MAP3K4: variants seen among roughly 807,000 people sequenced by gnomAD.
The protein encoded by MAP3K4 is mitogen-activated protein kinase kinase kinase 4.
A neutral mutation model predicts 185.6 loss-of-function variants in MAP3K4; 67 were observed. The observed-to-expected ratio is 0.36, with a 90% CI of 0.30 to 0.44. MAP3K4 has a LOEUF of 0.44. Among genes scored for constraint, MAP3K4 ranks in the 20% least tolerant of loss-of-function variants. The pLI is 1.00. For synonymous variants in MAP3K4, 702 were observed against 710.4 expected, an observed-to-expected ratio of 0.99 and a Z score of 0.19; for missense variants, 1,551 against 1,995.1, an observed-to-expected ratio of 0.78 and a Z score of 4.24.
chr6:161,113,828 C>T (rs1284926674), intron 25 of MAP3K4, among the ~76,000 whole-genome samples: 9 of 108,764 alleles, frequency 8.3e-5, no homozygotes, highest in Non-Finnish European at 1.2e-4. Context: ...GATGGAGTCT[C>T]GCTCTGTCGC....
Position 161,074,635 on chromosome 6 carries a change from G to C in MAP3K4, c.2097+1023G>C, listed in dbSNP as rs1370983756. On this transcript the variant is annotated intron_variant, in intron 5 of 26. Transcript: ENST00000392142. The surrounding 1 kb of genome is among the most constrained non-coding windows in gnomAD (Gnocchi z 5.0). ...AATTCTCTTGTTTTCCATAGTATCT[G>C]ATAGTGTTCATGTATCGTAAGTACA... Among the ~76,000 whole-genome samples, 1 of 152,216 alleles carries C rather than the reference G, an allele frequency of 6.6e-6. No homozygotes were observed. The highest frequency in any genetic ancestry group is 1.5e-5 in the Non-Finnish European group (1 of 68,042).
rs751947272 is a variant in MAP3K4 at position 161,049,207 on chromosome 6, G to C, written c.935G>C (p.Arg312Thr). The C allele has an allele frequency of 6.2e-7, 1 of 1,614,134 alleles. No homozygotes were observed. The highest frequency in any genetic ancestry group is 8.5e-7 in the Non-Finnish European group (1 of 1,180,006). Residue 312 changes from arginine to threonine, a missense_variant, in exon 3 of 27, where the codon AGA becomes ACA. Physicochemically the swap from Arg to Thr is moderately conservative, Grantham distance 71 (BLOSUM62 -1). Transcript: ENST00000392142. This position sits in a 1 kb window ranked among gnomAD's most constrained non-coding sequence, Gnocchi z 8.4. ...KVDYGSFAFV[R>T]DRAGFNGTSV... ...GACTATGGGAGCTTCGCCTTTGTTA[G>C]AGATAGAGCTGGTTTTAATGGTACT...
intron 2 of MAP3K4, among the ~76,000 whole-genome samples, chr6:161,038,231 A>G (rs191596503): frequency 3.9e-5 from 6 of 152,300 alleles, no homozygotes; most frequent in Admixed American, 3.9e-4. Context: ...CAAATGACCA[A>G]CAGTACAGGC....
In MAP3K4 at chr6:161,063,637, C is replaced by T. The variant is rs1784575631; in HGVS notation, c.1708-6971C>T. Among the ~76,000 whole-genome samples the T allele has an allele frequency of 6.6e-6, 1 of 151,988 alleles. No individual in the cohort carries two copies. The highest frequency in any genetic ancestry group is 6.6e-5 in the Admixed American group (1 of 15,256). ...TGGGGAGTTGGATTTCACTTTTTTT[C>T]CTCGATGTGGAGCCGAGAATTCCTG... On this transcript the variant is annotated intron_variant, in intron 3 of 26. Transcript: ENST00000392142. This position sits in a 1 kb window ranked among gnomAD's most constrained non-coding sequence, Gnocchi z 5.4.
chr6:161,039,279 C>CAAAAAAAAAAAAA (rs3050259), intron 2 of MAP3K4, among the ~76,000 whole-genome samples: 19 of 71,930 alleles, frequency 2.6e-4, no homozygotes, highest in Admixed American at 3.7e-4. Context: ...CGCAAAAATG[C>CAAAAAAAAAAAAA]AAAAAAAAAA....
chr6:161,041,301 G>T (rs1300722673), intron 2 of MAP3K4, among the ~76,000 whole-genome samples: 12 of 152,214 alleles, frequency 7.9e-5, no homozygotes, highest in African/African-American at 2.9e-4. Flanking sequence ...ACCTGTCTGT[G>T]GGTAACTATC....
At chr6:161,052,464 CTT>C (rs545757226) in intron 3 of MAP3K4, among the ~76,000 whole-genome samples, 127 of 152,222 alleles carry the variant, frequency 8.3e-4, no homozygotes, top group African/African-American at 2.9e-3. Flanking sequence ...AACTGAAAGA[CTT>C]TATTAGAATT....
chr6:161,032,640 T>G (rs1458504933), intron 1 of MAP3K4, among the ~76,000 whole-genome samples: 1 of 152,198 alleles, frequency 6.6e-6, no homozygotes, highest in African/African-American at 2.4e-5. Flanking sequence ...AATAAATAAA[T>G]GATTTTGGTG....
At chr6:161,094,442 C>G (rs1777482322) in intron 15 of MAP3K4, among the ~76,000 whole-genome samples, 1 of 152,168 alleles carries the variant, frequency 6.6e-6, no homozygotes, top group Non-Finnish European at 1.5e-5. Flanking sequence ...ATGATTAACA[C>G]TTTTATAGTA....
intron 1 of MAP3K4, among the ~76,000 whole-genome samples, chr6:160,995,797 T>C (rs568022188): frequency 1.3e-5 from 2 of 152,314 alleles, no homozygotes; most frequent in Non-Finnish European, 2.9e-5. Context: ...TTGTGACTTA[T>C]TGGATCTGTA....
intron 3 of MAP3K4, among the ~76,000 whole-genome samples, chr6:161,052,077 C>T (rs1412219835): frequency 6.6e-6 from 1 of 152,096 alleles, no homozygotes; most frequent in Non-Finnish European, 1.5e-5. Context: ...TTCAGTGGTT[C>T]TTATAGGAGA....
Position 161,017,223 on chromosome 6 carries a change from G to T in MAP3K4, c.153-17036G>T, listed in dbSNP as rs865911644. On this transcript the variant is annotated intron_variant, in intron 1 of 26. Coordinates refer to ENST00000392142, the MANE Select transcript of MAP3K4 (RefSeq NM_005922.4). This position sits in a 1 kb window ranked among gnomAD's most constrained non-coding sequence, Gnocchi z 5.1. ...GAGGGATACATTTGTATAATTAAAT[G>T]TAGGTTTTCGGAAATTGAGTGTTTC... 6.6e-6 allele frequency among the ~76,000 whole-genome samples: 1 copy of T among 152,162 alleles called. No individual in the cohort carries two copies. Among genetic ancestry groups the T allele is most frequent in the African/African-American group, 2.4e-5 (1 of 41,442 alleles).
rs1214761199 is a variant in MAP3K4, at chr6:161,109,713, G to A, written c.4237-42G>A. 1 of 1,611,398 alleles carries A rather than the reference G, an allele frequency of 6.2e-7. No individual in the cohort carries two copies. Among genetic ancestry groups the A allele is most frequent in the Non-Finnish European group, 8.5e-7 (1 of 1,178,016 alleles). On this transcript the variant is annotated intron_variant, in intron 22 of 26. Coordinates refer to ENST00000392142, the MANE Select transcript of MAP3K4 (RefSeq NM_005922.4). This position sits in a 1 kb window ranked among gnomAD's most constrained non-coding sequence, Gnocchi z 5.7. ...AGATTTTTCACTAGCGTACATCTAAGGAAAACCGTAAACACAGAGCTGCCC... is the reference window on the plus strand; with the variant it reads ...AGATTTTTCACTAGCGTACATCTAAAGAAAACCGTAAACACAGAGCTGCCC...
chr6:161,019,243 G>C (rs1029484894), intron 1 of MAP3K4, among the ~76,000 whole-genome samples: 5 of 152,184 alleles, frequency 3.3e-5, no homozygotes, highest in African/African-American at 1.2e-4. Flanking sequence ...GAAGATCACT[G>C]CTTAAATCTC....
intron 11 of MAP3K4, 124 bp downstream of exon 11, chr6:161,089,595 T>C: frequency 1.1e-6 from 1 of 900,230 alleles, no homozygotes; most frequent in Non-Finnish European, 1.7e-6. Flanking sequence ...CCCACTCACC[T>C]CTCTTCCCAA....
chr6:161,111,004 T>C (rs1778321869), intron 23 of MAP3K4, among the ~76,000 whole-genome samples: 2 of 152,228 alleles, frequency 1.3e-5, no homozygotes, highest in East Asian at 1.9e-4. Context: ...TGGTGTCTTA[T>C]CCAATGCTTT....
In MAP3K4 at chr6:161,049,614, G is replaced by A; in HGVS notation, c.1342G>A (p.Glu448Lys). Reference sequence around the variant, plus strand: ...GCCGGAGTATGAGGGTGATGACACAGAAGGAGAATTAAAGGAGTTGGAAAG... The same window carrying A: ...GCCGGAGTATGAGGGTGATGACACAAAAGGAGAATTAAAGGAGTTGGAAAG... ...NEPEYEGDDTEGELKELESST... is the reference protein window; with the variant it reads ...NEPEYEGDDTKGELKELESST... Residue 448 changes from glutamate (E) to lysine (K), a missense_variant, in exon 3 of 27, where the codon GAA becomes AAA. Transcript: ENST00000392142. This position sits in a 1 kb window ranked among gnomAD's most constrained non-coding sequence, Gnocchi z 8.4. 1 of 1,614,194 alleles carries A rather than the reference G, an allele frequency of 6.2e-7. No individual in the cohort carries two copies.
chr6:161,072,391 T>G (rs1363655651), intron 4 of MAP3K4, among the ~76,000 whole-genome samples: 1 of 152,236 alleles, frequency 6.6e-6, no homozygotes, highest in Non-Finnish European at 1.5e-5. Context: ...TTGTTTTTCC[T>G]GCACATACAT....
At position 161,097,992 on chromosome 6, in the gene MAP3K4, A is replaced by G. The variant is rs1777645804; in HGVS notation, c.3525-286A>G. Among the ~76,000 whole-genome samples the G allele has an allele frequency of 6.6e-6, 1 of 151,908 alleles. No homozygotes were observed. Among genetic ancestry groups the G allele is most frequent in the South Asian group, 2.1e-4 (1 of 4,808 alleles). On this transcript the variant is annotated intron_variant, in intron 16 of 26. Transcript: ENST00000392142. The surrounding 1 kb of genome is among the most constrained non-coding windows in gnomAD (Gnocchi z 4.9). ...TCCCAGCTACTCAGGAGGCTGAGGCAAGGAGGATCACTTGAGCCCAGGAGG... is the reference window on the plus strand; with the variant it reads ...TCCCAGCTACTCAGGAGGCTGAGGCGAGGAGGATCACTTGAGCCCAGGAGG...
Sources: allele counts gnomAD v4.1 joint callset (sites outside exome capture counted in the v4.1 genomes callset), GRCh38; gene constraint gnomAD v4.1.1; non-coding constraint Gnocchi (gnomAD v3.1); transcripts MANE v1.5; gene names NCBI Gene and HGNC (gene_info 2026-07-23, HGNC 2026-07-21).